Variants in ZBTB4 observed in about 807,000 individuals in gnomAD.
ZBTB4 encodes zinc finger and BTB domain-containing protein 4.
ZBTB4 carries 14 observed loss-of-function variants against 59.8 expected under a neutral mutation model. The ratio of observed to expected loss-of-function variants is 0.23; its 90% CI spans 0.15 to 0.37. The LOEUF is 0.37. ZBTB4 is among the 10% of genes least tolerant of loss of function. The pLI, the probability that ZBTB4 is intolerant of heterozygous loss-of-function variation, is 1.00. For missense variants in ZBTB4, 1,198 were observed against 1,380.8 expected, an observed-to-expected ratio of 0.87 and a Z score of 2.10; for synonymous variants, 587 against 575.2, an observed-to-expected ratio of 1.02 and a Z score of -0.29.
upstream of ZBTB4, chr17:7,483,480 G>T (rs1597786385): frequency 4.3e-6 from 1 of 232,520 alleles, no homozygotes; most frequent in Non-Finnish European, 8.6e-6. Context: ...CATCAAACAA[G>T]GATTACTCTG....
chr17:7,472,710 T>C (rs2070215349), intron 1 of ZBTB4, among the ~76,000 whole-genome samples: 1 of 134,814 alleles, frequency 7.4e-6, no homozygotes, highest in Admixed American at 8.7e-5. Flanking sequence ...GGCACAATCA[T>C]GGTTCATTGC....
At position 7,466,526 on chromosome 17, in the gene ZBTB4, C is replaced by G. The variant is rs551526365; in HGVS notation, c.276G>C (p.Ser92=). Reference sequence around the variant, plus strand: ...CAGAGGAGGAAGAAGAGGAAGAAGACGAGGAAGAGGAGGAGGAGGAAGAGG... The same window carrying G: ...CAGAGGAGGAAGAAGAGGAAGAAGAGGAGGAAGAGGAGGAGGAGGAAGAGG... ...TAASSSSSSS[S]SSSSSSSSAS... is the part of the protein sequence containing the mutation. The change falls in exon 3 of 4, where the codon TCG becomes TCC. Residue 92 remains serine (S), a synonymous_variant. Transcript: ENST00000380599. The surrounding 1 kb of genome is among the most constrained non-coding windows in gnomAD (Gnocchi z 9.1). 15 of 1,610,500 alleles carry G rather than the reference C, an allele frequency of 9.3e-6. No individual in the cohort carries two copies. Among genetic ancestry groups the G allele is most frequent in the African/African-American group, 2.7e-5 (2 of 74,754 alleles).
At chr17:7,472,903 C>T (rs1453393626) in intron 1 of ZBTB4, among the ~76,000 whole-genome samples, 1 of 151,648 alleles carries the variant, frequency 6.6e-6, no homozygotes. Context: ...CTCGGCCTCC[C>T]AAAGTGCTGG....
At chr17:7,469,267 A>C (rs1182032556) in intron 1 of ZBTB4, among the ~76,000 whole-genome samples, 10 of 152,152 alleles carry the variant, frequency 6.6e-5, no homozygotes, top group Admixed American at 6.5e-4. Context: ...CCTAGGTTCA[A>C]GCGATTCTCC....
Position 7,462,289 on chromosome 17 carries a change from G to A in ZBTB4, c.2693C>T (p.Pro898Leu), listed in dbSNP as rs1167714058. The change falls in exon 4 of 4, where the codon CCA becomes CTA. Residue 898 changes from proline to leucine, a missense_variant. Around this residue, in one of 9 missense-constraint regions of ZBTB4, gnomAD observed 211 missense variants for 236.1 expected, o/e 0.89. Coordinates refer to ENST00000380599, the MANE Select transcript of ZBTB4 (RefSeq NM_001128833.2). This position sits in a 1 kb window ranked among gnomAD's most constrained non-coding sequence, Gnocchi z 7.5. Reference sequence around the variant, plus strand: ...CCGGTCCCCCTCACCAGCCCCCACTGGCCCTTCACTCCCAGATTTTCCCCT... The same window carrying A: ...CCGGTCCCCCTCACCAGCCCCCACTAGCCCTTCACTCCCAGATTTTCCCCT... ...GGRGKSGSEG[P>L]VGAGEGDRME... 6.8e-6 allele frequency: 11 copies of A among 1,613,558 alleles called. No individual in the cohort carries two copies. The highest frequency in any genetic ancestry group is 9.3e-6 in the Non-Finnish European group (11 of 1,179,840).
chr17:7,482,342 A>G (rs192630658), upstream of ZBTB4: 9,399 of 1,613,978 alleles, frequency 5.8e-3, 457 homozygotes, highest in African/African-American at 0.11. Flanking sequence ...ATGTGCCTAC[A>G]GTGCGGTTCA....
chr17:7,475,098 C>G (rs2070251973), intron 1 of ZBTB4, among the ~76,000 whole-genome samples: 1 of 151,266 alleles, frequency 6.6e-6, no homozygotes, highest in Non-Finnish European at 1.5e-5. Flanking sequence ...GCAGGTGGAT[C>G]ACCTGAGGTC....
At position 7,463,829 on chromosome 17, in the gene ZBTB4, G is replaced by A; in HGVS notation, c.1153C>T (p.Arg385Ter). Residue 385 changes from arginine (R) to a stop codon, truncating the protein, a stop_gained, in exon 4 of 4, where the codon CGA (arginine) becomes TGA (stop). Transcript: ENST00000380599. LOFTEE classifies it high-confidence loss of function. ...VTYYNLKTHQ[R>*]AFHGISPGLL... ...CCCGGGCTAATGCCGTGGAAGGCTC[G>A]CTGGTGGGTCTTCAGGTTATAGTAA... The A allele has an allele frequency of 6.2e-7, 1 of 1,614,136 alleles. No individual in the cohort carries two copies.
chr17:7,483,058 T>C (rs2070368757), upstream of ZBTB4: 2 of 1,609,138 alleles, frequency 1.2e-6, no homozygotes, highest in Admixed American at 1.7e-5. Flanking sequence ...AGGCAAAGAC[T>C]GAAGACAAAC....
chr17:7,463,474 T>C lies in ZBTB4; in HGVS notation c.1508A>G (p.Gln503Arg). The stretch of plus-strand genomic sequence containing the variant: ...AGTGTAAGTGATAACCGAGGCAGCT[T>C]GGGACCCTCCTGTGCTGGCCGTCCC... ...GSGTASTGGS[Q>R]AASVITYTAP... Residue 503 changes from glutamine (Q) to arginine (R), a missense_variant, in exon 4 of 4, where the codon CAA becomes CGA. By Grantham distance (43) the Gln-to-Arg change is conservative. This residue lies in a region of ZBTB4 where 550 missense variants were observed against 541.8 expected (regional missense o/e 1.02). Transcript: ENST00000380599. 1 of 1,539,360 alleles carries C rather than the reference T, an allele frequency of 6.5e-7. No individual in the cohort carries two copies. The highest frequency in any genetic ancestry group is 2.3e-5 in the East Asian group (1 of 43,378).
At chr17:7,481,398 C>T, upstream of ZBTB4, 1 of 1,301,966 alleles carries the variant, frequency 7.7e-7, no homozygotes, top group Non-Finnish European at 9.8e-7. Flanking sequence ...AGGCGTGCTA[C>T]CACCTCAGGA....
rs369864702 is a variant in ZBTB4 at position 7,462,812 on chromosome 17, G to A, written c.2170C>T (p.Arg724Trp). ...GCACAGTCCCCGCATCGGTGCCTCC[G>A]CTCTGTGCGGGCACGTCCCGCTGGG... ...ESPAGRARTE[R>W]RHRCGDCAQT... The change falls in exon 4 of 4, where the codon CGG (arginine) becomes TGG (tryptophan). Residue 724 changes from arginine (R) to tryptophan (W), a missense_variant. By Grantham distance (101) the Arg-to-Trp change is moderately radical. Coordinates refer to ENST00000380599, the MANE Select transcript of ZBTB4 (RefSeq NM_001128833.2). This position sits in a 1 kb window ranked among gnomAD's most constrained non-coding sequence, Gnocchi z 7.5. The A allele has an allele frequency of 3.5e-5, 56 of 1,602,656 alleles. No homozygotes were observed. The highest frequency in any genetic ancestry group is 2.0e-4 in the African/African-American group (15 of 74,928).
rs1306927204 is a variant in ZBTB4 at position 7,463,350 on chromosome 17, G to A, written c.1632C>T (p.Thr544=). The change falls in exon 4 of 4, where the codon ACC becomes ACT. Residue 544 remains threonine, a synonymous_variant. Coordinates refer to ENST00000380599, the MANE Select transcript of ZBTB4 (RefSeq NM_001128833.2). ...TSPATAVSPA[T]AAGPAMATTT... ...TGGTGGCCATGGCTGGCCCTGCAGC[G>A]GTGGCTGGGCTGACTGCTGTGGCTG... 1.3e-5 allele frequency: 21 copies of A among 1,606,842 alleles called. No homozygotes were observed. The highest frequency in any genetic ancestry group is 5.3e-5 in the African/African-American group (4 of 74,890).
Position 7,463,336 on chromosome 17 carries a change from G to A in ZBTB4, c.1646C>T (p.Ala549Val), listed in dbSNP as rs371027144. ...GGCCTCCTCCGTGGTGGTGGCCATGGCTGGCCCTGCAGCGGTGGCTGGGCT... is the reference window on the plus strand; with the variant it reads ...GGCCTCCTCCGTGGTGGTGGCCATGACTGGCCCTGCAGCGGTGGCTGGGCT... Reference protein sequence around the residue: ...AVSPATAAGPAMATTTEEAKG... With the variant: ...AVSPATAAGPVMATTTEEAKG... Residue 549 changes from alanine (A) to valine (V), a missense_variant, in exon 4 of 4, where the codon GCC becomes GTC. By Grantham distance (64) the Ala-to-Val change is moderately conservative (BLOSUM62 0). This residue lies in a region of ZBTB4 where 550 missense variants were observed against 541.8 expected (regional missense o/e 1.02). Transcript: ENST00000380599. 3 of 1,607,494 alleles carry A rather than the reference G, an allele frequency of 1.9e-6. No individual in the cohort carries two copies. The highest frequency in any genetic ancestry group is 2.5e-6 in the Non-Finnish European group (3 of 1,177,268).
chr17:7,467,974 T>C (rs1378235769), intron 1 of ZBTB4, among the ~76,000 whole-genome samples: 1 of 152,210 alleles, frequency 6.6e-6, no homozygotes, highest in African/African-American at 2.4e-5. Flanking sequence ...CCAGGAGGCC[T>C]GGTCCCACGC....
intron 1 of ZBTB4, among the ~76,000 whole-genome samples, chr17:7,469,811 C>T (rs2070175327): frequency 1.3e-5 from 2 of 151,714 alleles, no homozygotes; most frequent in South Asian, 2.1e-4. Flanking sequence ...AGGCCGGGCA[C>T]GGTGGCTCAC....
chr17:7,467,105 G>A, intron 2 of ZBTB4, 152 bp downstream of exon 2: 1 of 942,956 alleles, frequency 1.1e-6, no homozygotes, highest in Non-Finnish European at 1.3e-6. Flanking sequence ...TGTAAGTGAG[G>A]CAAATCTCTC....
intron 1 of ZBTB4, among the ~76,000 whole-genome samples, chr17:7,472,977 C>A (rs2070219615): frequency 6.7e-6 from 1 of 148,472 alleles, no homozygotes; most frequent in Non-Finnish European, 1.5e-5. Flanking sequence ...CGGCGGGGGA[C>A]AGAGTCTAGC....
Position 7,462,981 on chromosome 17 carries a change from G to A in ZBTB4, c.2001C>T (p.Tyr667=). Reference sequence around the variant, plus strand: ...CCTTGCGCTTAGGCTTGTAGGAGTAGTAGGGCCTCCAGAGCTGGTCCTCCC... The same window carrying A: ...CCTTGCGCTTAGGCTTGTAGGAGTAATAGGGCCTCCAGAGCTGGTCCTCCC... ...AGGEDQLWRP[Y]YSYKPKRKAG... Residue 667 remains tyrosine, a synonymous_variant, in exon 4 of 4, where the codon TAC becomes TAT. Coordinates refer to ENST00000380599, the MANE Select transcript of ZBTB4 (RefSeq NM_001128833.2). The surrounding 1 kb of genome is among the most constrained non-coding windows in gnomAD (Gnocchi z 7.5). The A allele has an allele frequency of 6.2e-7, 1 of 1,609,140 alleles. No individual in the cohort carries two copies.
Sources: allele counts gnomAD v4.1 joint callset (sites outside exome capture counted in the v4.1 genomes callset), GRCh38; gene constraint gnomAD v4.1.1; regional missense constraint gnomAD v4.1.1; non-coding constraint Gnocchi (gnomAD v3.1); transcripts MANE v1.5; gene names NCBI Gene and HGNC (gene_info 2026-07-23, HGNC 2026-07-21).